XKR5: variants seen among roughly 807,000 people sequenced by gnomAD.
XKR5 encodes the protein XK-related protein 5.
XKR5 carries 46 observed loss-of-function variants against 40.8 expected under a neutral mutation model. The observed-to-expected ratio is 1.13, with a 90% CI of 0.89 to 1.44. The LOEUF is 1.44. XKR5 is among the 40% of genes most tolerant of loss of function. The pLI is 0.00. For missense variants in XKR5, 1,169 were observed against 844.7 expected (o/e 1.38, Z -4.76); for synonymous variants, 466 against 356.1 (o/e 1.31, Z -3.48).
chr8:6,832,542 G>T (rs1355620900), intron 2 of XKR5, among the ~76,000 whole-genome samples, 175 bp downstream of exon 2: 1 of 151,824 alleles, frequency 6.6e-6, no homozygotes, highest in Non-Finnish European at 1.5e-5. Context: ...TCAAAAAAGT[G>T]CAGGCTGGAC....
chr8:6,811,311 G>A lies in XKR5; in HGVS notation c.1948C>T (p.Gln650Ter). ...AAVGVWVSLP[Q>*]LRTAHEPCLT... ...CAGGGCTCATGGGCAGTCCTCAGCT[G>A]TGGCAATGACACCCACACACCAACA... The change falls in exon 7 of 7, where the codon CAG becomes TAG. Residue 650 changes from glutamine to a stop codon, truncating the protein, a stop_gained. Transcript: ENST00000618742. LOFTEE classifies it low-confidence loss of function (END_TRUNC). 1 of 1,537,328 alleles carries A rather than the reference G, an allele frequency of 6.5e-7. No homozygotes were observed. The highest frequency in any genetic ancestry group is 1.7e-4 in the Middle Eastern group (1 of 5,990).
rs1331833362 is a variant in XKR5, at chr8:6,811,729, G to T, written c.1530C>A (p.Gly510=). 3.9e-6 allele frequency: 6 copies of T among 1,537,482 alleles called. No homozygotes were observed. The change falls in exon 7 of 7, where the codon GGC becomes GGA. Residue 510 remains glycine (G), a synonymous_variant. Transcript: ENST00000618742. Reference sequence around the variant, plus strand: ...CAGCGTCAGCTCCTTCCTTTGGGGTGCCCTCCCCCTGCGTGGCTGCTGGGT... The same window carrying T: ...CAGCGTCAGCTCCTTCCTTTGGGGTTCCCTCCCCCTGCGTGGCTGCTGGGT... The part of the protein sequence containing the change: ...TQNPAATQGE[G]TPKEGADAVS...
rs1269489421 is a variant in XKR5 at position 6,810,645 on chromosome 8, A to G, written c.*553T>C. On this transcript the variant is annotated 3_prime_UTR_variant, in exon 7 of 7. Coordinates refer to ENST00000618742, the MANE Select transcript of XKR5 (RefSeq NM_207411.5). Reference sequence around the variant, plus strand: ...AAGCTCTAATATTGTCCCCTAACCAAAAGATATGGGAATCTTAGAATGACA... The same window carrying G: ...AAGCTCTAATATTGTCCCCTAACCAGAAGATATGGGAATCTTAGAATGACA... The G allele has an allele frequency of 6.6e-6, 1 of 152,538 alleles. No homozygotes were observed. Among genetic ancestry groups the G allele is most frequent in the African/African-American group, 2.4e-5 (1 of 41,450 alleles). 9.4% of individuals were successfully genotyped at this position (152,538 alleles called of 1,614,324 possible). A position where few individuals can be genotyped will look rare whatever the true frequency, so the allele number is the denominator to read the frequency against.
chr8:6,817,045 G>C (rs1229285146), intron 5 of XKR5, among the ~76,000 whole-genome samples: 2 of 152,042 alleles, frequency 1.3e-5, no homozygotes, highest in East Asian at 1.9e-4. Flanking sequence ...TCAGCTGTGT[G>C]GTTCTGGTGG....
chr8:6,817,867 A>G (rs76619339), intron 5 of XKR5, among the ~76,000 whole-genome samples: 2,841 of 152,298 alleles, frequency 0.019, 87 homozygotes, highest in African/African-American at 0.065. Context: ...TGTCATAAAG[A>G]AATGAGAAAT....
At chr8:6,827,868 C>T (rs1804584512) in intron 2 of XKR5, among the ~76,000 whole-genome samples, 2 of 152,032 alleles carry the variant, frequency 1.3e-5, no homozygotes, top group African/African-American at 4.8e-5. Flanking sequence ...GAGTTTGAGA[C>T]CAGCCCTGGC....
Position 6,823,538 on chromosome 8 carries a change from C to T in XKR5, c.620G>A (p.Trp207Ter), listed in dbSNP as rs1804331165. 7 of 1,590,228 alleles carry T rather than the reference C, an allele frequency of 4.4e-6. No homozygotes were observed. The highest frequency in any genetic ancestry group is 3.4e-6 in the Non-Finnish European group (4 of 1,168,252). ...LVLFYKAYHF[W>*]VFVVAGAHWL... ...CAGCTCACCTGCAACCACAAAAACC[C>T]AAAAGTGGTAGGCTTTGTAGAACAG... Residue 207 changes from tryptophan to a stop codon, truncating the protein, a stop_gained, in exon 4 of 7, where the codon TGG (tryptophan) becomes TAG (stop). Coordinates refer to ENST00000618742, the MANE Select transcript of XKR5 (RefSeq NM_207411.5). LOFTEE classifies it high-confidence loss of function.
chr8:6,832,700 G>C lies in XKR5; in HGVS notation c.242+17C>G, dbSNP rs1587206980. ...GTGCAATTGTGCTCCAGAGGTGAAA[G>C]AGGCAGCTGTTCTTACCGCTTCCAA... On this transcript the variant is annotated intron_variant, in intron 2 of 6. Transcript: ENST00000618742. The C allele has an allele frequency of 6.2e-7, 1 of 1,612,120 alleles. No individual in the cohort carries two copies. Among genetic ancestry groups the C allele is most frequent in the Non-Finnish European group, 8.5e-7 (1 of 1,179,220 alleles).
At chr8:6,820,652 C>T (rs1804189250) in intron 5 of XKR5, among the ~76,000 whole-genome samples, 1 of 152,208 alleles carries the variant, frequency 6.6e-6, no homozygotes, top group Non-Finnish European at 1.5e-5. Flanking sequence ...TGGGCCCTGC[C>T]ACAAGTGAAC....
At position 6,835,519 on chromosome 8, in the gene XKR5, G is replaced by GCCCGCC; in HGVS notation, c.-27_-26insGGCGGG. ...CTTCCGTGCCGACCCCGCAGCCTGC[G>GCCCGCC]CCCGCCCCTTCCCCTGCACGCGGCC... On this transcript the variant is annotated 5_prime_UTR_variant, in exon 1 of 7. Transcript: ENST00000618742. 2.0e-6 allele frequency: 3 copies of GCCCGCC among 1,486,418 alleles called. No homozygotes were observed. Among genetic ancestry groups the GCCCGCC allele is most frequent in the Non-Finnish European group, 2.7e-6 (3 of 1,123,906 alleles). The allele number at this position is 1,486,418 out of a possible 1,614,324, so 92.1% of individuals were successfully genotyped here.
chr8:6,822,819 G>T (rs1804300174), intron 4 of XKR5, among the ~76,000 whole-genome samples: 1 of 152,152 alleles, frequency 6.6e-6, no homozygotes, highest in African/African-American at 2.4e-5. Context: ...GAGGAGGGAG[G>T]GCTTGGATTT....
chr8:6,819,215 G>A (rs1804105162), intron 5 of XKR5, among the ~76,000 whole-genome samples: 1 of 152,222 alleles, frequency 6.6e-6, no homozygotes, highest in African/African-American at 2.4e-5. Context: ...GCTTCTTCTG[G>A]GGCCCATCCA....
Position 6,822,024 on chromosome 8 carries a change from C to A in XKR5, c.652G>T (p.Val218Leu), listed in dbSNP as rs776964570. Reference protein sequence around the residue: ...VFVVAGAHWLVMTFWLVAQQS... With the variant: ...VFVVAGAHWLLMTFWLVAQQS... Reference sequence around the variant, plus strand: ...TGGGCGACAAGCCAGAATGTCATCACCAGCCAGTGGGCACCTGCAGAGAAG... The same window carrying A: ...TGGGCGACAAGCCAGAATGTCATCAACAGCCAGTGGGCACCTGCAGAGAAG... Residue 218 changes from valine to leucine, a missense_variant, in exon 5 of 7, where the codon GTG becomes TTG. By Grantham distance (32) the Val-to-Leu change is conservative (BLOSUM62 1). Coordinates refer to ENST00000618742, the MANE Select transcript of XKR5 (RefSeq NM_207411.5). 1 of 1,605,402 alleles carries A rather than the reference C, an allele frequency of 6.2e-7. No homozygotes were observed.
intron 3 of XKR5, among the ~76,000 whole-genome samples, chr8:6,824,244 T>G (rs1804363854): frequency 1.4e-5 from 2 of 147,642 alleles, no homozygotes; most frequent in South Asian, 4.2e-4. Flanking sequence ...ATTTAATTTG[T>G]GCATATGCAA....
intron 6 of XKR5, 21 bp downstream of exon 6, chr8:6,815,786 G>C: frequency 6.6e-7 from 1 of 1,518,564 alleles, no homozygotes; most frequent in African/African-American, 1.4e-5. Flanking sequence ...ATGCAGAGAA[G>C]AAGGTGACAT....
At chr8:6,823,126 G>A (rs889142203) in intron 4 of XKR5, among the ~76,000 whole-genome samples, 1 of 152,194 alleles carries the variant, frequency 6.6e-6, no homozygotes, top group East Asian at 1.9e-4. Flanking sequence ...CAGCCAGCAC[G>A]CGTTCCTTCC....
In XKR5 at chr8:6,832,830, G is replaced by C. The variant is rs764005779; in HGVS notation, c.129C>G (p.Leu43=). ...GGGCCTGGACCAAGAACCCGGGCAG[G>C]AGGACAGCAAGGGCCAGCCACCCCC... ...LLWGWLALAV[L]LPGFLVQALS... is the part of the protein sequence containing the mutation. The change falls in exon 2 of 7, where the codon CTC becomes CTG. Residue 43 remains leucine, a synonymous_variant. Transcript: ENST00000618742. 4.7e-5 allele frequency: 76 copies of C among 1,612,116 alleles called. 1 individual carries two copies. The South Asian group carries it at 7.1e-4, about 15-fold the overall frequency.
In XKR5 at chr8:6,823,563, G is replaced by A. The variant is rs777417557; in HGVS notation, c.595C>T (p.Leu199=). Residue 199 remains leucine (L), a synonymous_variant, in exon 4 of 7, where the codon CTG becomes TTG. Coordinates refer to ENST00000618742, the MANE Select transcript of XKR5 (RefSeq NM_207411.5). Reference sequence around the variant, plus strand: ...CAAAAGTGGTAGGCTTTGTAGAACAGAACCAGACTCAGCACGCGGGTTCCC... The same window carrying A: ...CAAAAGTGGTAGGCTTTGTAGAACAAAACCAGACTCAGCACGCGGGTTCCC... ...MLGTRVLSLV[L]FYKAYHFWVF... 2.1e-5 allele frequency: 34 copies of A among 1,596,592 alleles called. No individual in the cohort carries two copies. The highest frequency in any genetic ancestry group is 2.7e-5 in the Non-Finnish European group (32 of 1,171,654).
chr8:6,812,427 G>T, intron 6 of XKR5, 88 bp from the exon 7 acceptor site: 1 of 1,366,360 alleles, frequency 7.3e-7, no homozygotes, highest in Non-Finnish European at 9.7e-7. Context: ...TGGCCCTTTT[G>T]TGTAGAGGAA....
Sources: gnomAD v4.1 joint callset for allele counts (sites outside exome capture counted in the v4.1 genomes callset) on GRCh38, gnomAD v4.1.1 for gene constraint, MANE v1.5 for transcripts, NCBI Gene and HGNC (gene_info 2026-07-23, HGNC 2026-07-21) for gene names.